The following TMEM132D variants were observed in gnomAD, a reference collection of about 807,000 sequenced individuals.
TMEM132D encodes mature OL transmembrane protein.
TMEM132D carries 21 observed loss-of-function variants against 62.3 expected under a neutral mutation model. The observed-to-expected ratio is 0.34, with a 90% CI of 0.24 to 0.49. The LOEUF is 0.49. Among genes scored for constraint, TMEM132D ranks in the 20% least tolerant of loss-of-function variants. The pLI is 0.99. For missense variants in TMEM132D, 1,346 were observed against 1,402.8 expected, an observed-to-expected ratio of 0.96 and a Z score of 0.65; for synonymous variants, 621 against 575.6, an observed-to-expected ratio of 1.08 and a Z score of -1.13.
Position 129,730,306 on chromosome 12 carries a change from G to A in TMEM132D, c.80-29608C>T, listed in dbSNP as rs141841967. On this transcript the variant is annotated intron_variant, in intron 1 of 8. Coordinates refer to ENST00000422113, the MANE Select transcript of TMEM132D (RefSeq NM_133448.3). ...TAATGCTGTTATTAATTTGTATGCT[G>A]TACCTCCAGGAGATCTTCAATTTAT... Among the ~76,000 whole-genome samples the A allele has an allele frequency of 2.6e-4, 39 of 152,162 alleles. No homozygotes were observed. In the East Asian group the frequency reaches 7.3e-3, roughly 29 times the overall value.
chr12:129,655,167 C>A (rs547524189), intron 2 of TMEM132D, among the ~76,000 whole-genome samples: 1 of 151,380 alleles, frequency 6.6e-6, no homozygotes, highest in African/African-American at 2.4e-5. Context: ...CAGGAGGCTC[C>A]CGATCTCTTG....
Position 129,105,118 on chromosome 12 carries a change from C to T in TMEM132D, c.1444-20416G>A, listed in dbSNP as rs1465643001. On this transcript the variant is annotated intron_variant, in intron 5 of 8. Coordinates refer to ENST00000422113, the MANE Select transcript of TMEM132D (RefSeq NM_133448.3). ...CGTATGTTTATTGCAGCATTATTCA[C>T]GATAGCAAAGACTTGGAACCAACCC... Among the ~76,000 whole-genome samples, 7 of 84,038 alleles carry T rather than the reference C, an allele frequency of 8.3e-5. 3 individuals are homozygous for T. The highest frequency in any genetic ancestry group is 1.2e-4 in the Non-Finnish European group (5 of 42,810). The allele number at this position is 84,038 out of a possible 152,430, so 55.1% of individuals were successfully genotyped here.
At chr12:129,720,709 G>A (rs1362870638) in intron 1 of TMEM132D, among the ~76,000 whole-genome samples, 1 of 152,160 alleles carries the variant, frequency 6.6e-6, no homozygotes, top group East Asian at 1.9e-4. Context: ...CCGAATTTCT[G>A]CCAGCAATGA....
chr12:129,187,673 CTTCT>C (rs1429679995), intron 5 of TMEM132D, among the ~76,000 whole-genome samples: 3 of 152,222 alleles, frequency 2.0e-5, no homozygotes, highest in Non-Finnish European at 4.4e-5. Flanking sequence ...TTCTCACCTC[CTTCT>C]AAGAAATGGT....
At chr12:129,436,918 T>C (rs11060346) in intron 3 of TMEM132D, among the ~76,000 whole-genome samples, 1,860 of 152,262 alleles carry the variant, frequency 0.012, 43 homozygotes, top group East Asian at 0.084. Flanking sequence ...ATTTGATACA[T>C]TTAAAAAATA....
At chr12:129,614,504 T>C (rs1241470366) in intron 2 of TMEM132D, among the ~76,000 whole-genome samples, 1 of 152,192 alleles carries the variant, frequency 6.6e-6, no homozygotes, top group Non-Finnish European at 1.5e-5. Context: ...TCTGCTATAA[T>C]CCCTCTTAGT....
At chr12:129,694,969 T>G (rs1390224271) in intron 2 of TMEM132D, among the ~76,000 whole-genome samples, 1 of 152,002 alleles carries the variant, frequency 6.6e-6, no homozygotes, top group African/African-American at 2.4e-5. Flanking sequence ...GACCACGCCA[T>G]TGCACTCCAC....
chr12:129,824,409 G>C (rs1470834546), intron 1 of TMEM132D, among the ~76,000 whole-genome samples: 1 of 152,136 alleles, frequency 6.6e-6, no homozygotes, highest in African/African-American at 2.4e-5. Context: ...ACCAATATTA[G>C]ATTGTGTTAC....
chr12:129,744,123 T>G (rs767215531), intron 1 of TMEM132D, among the ~76,000 whole-genome samples: 1 of 152,218 alleles, frequency 6.6e-6, no homozygotes, highest in Non-Finnish European at 1.5e-5. Flanking sequence ...TTTCCACACC[T>G]GTAAAATAGG....
intron 1 of TMEM132D, among the ~76,000 whole-genome samples, chr12:129,771,013 A>G (rs1870733949): frequency 6.6e-6 from 1 of 152,230 alleles, no homozygotes; most frequent in Non-Finnish European, 1.5e-5. Context: ...CCCTGAGGAC[A>G]TGACCCCTTC....
intron 1 of TMEM132D, among the ~76,000 whole-genome samples, chr12:129,789,866 T>G (rs1320153775): frequency 6.6e-6 from 1 of 152,224 alleles, no homozygotes; most frequent in East Asian, 1.9e-4. Context: ...ACAAACAATT[T>G]AATCTTTCTA....
intron 5 of TMEM132D, among the ~76,000 whole-genome samples, chr12:129,131,240 TG>T (rs757758941): frequency 2.0e-5 from 3 of 152,238 alleles, no homozygotes; most frequent in Admixed American, 1.3e-4. Context: ...GGGAGCATTT[TG>T]GACTCCAGTG....
intron 1 of TMEM132D, among the ~76,000 whole-genome samples, chr12:129,715,142 A>G (rs1868526337): frequency 6.6e-6 from 1 of 152,130 alleles, no homozygotes; most frequent in Non-Finnish European, 1.5e-5. Flanking sequence ...TTCCTTCCCC[A>G]TTTTCTAAGG....
At chr12:129,578,631 C>T (rs1348289274) in intron 2 of TMEM132D, among the ~76,000 whole-genome samples, 19 of 151,934 alleles carry the variant, frequency 1.3e-4, no homozygotes, top group Admixed American at 1.2e-3. Context: ...ACAATCTATA[C>T]CATCTGCAAG....
intron 2 of TMEM132D, among the ~76,000 whole-genome samples, chr12:129,556,065 A>ATG (rs1877047887): frequency 6.6e-6 from 1 of 152,296 alleles, no homozygotes; most frequent in South Asian, 2.1e-4. Flanking sequence ...ATGTACATGA[A>ATG]CTAGACACCA....
intron 1 of TMEM132D, among the ~76,000 whole-genome samples, chr12:129,821,459 T>C (rs1441649027): frequency 6.6e-6 from 1 of 152,080 alleles, no homozygotes; most frequent in Non-Finnish European, 1.5e-5. Flanking sequence ...TGGAACTACT[T>C]TGAAGGCACC....
chr12:129,676,808 CATCT>C (rs759136251), intron 2 of TMEM132D, among the ~76,000 whole-genome samples: 6 of 151,416 alleles, frequency 4.0e-5, no homozygotes, highest in East Asian at 1.9e-4. Flanking sequence ...AATCTATCAT[CATCT>C]ATCTATGTTT....
chr12:129,198,273 A>G (rs970288853), intron 5 of TMEM132D, among the ~76,000 whole-genome samples: 4 of 152,220 alleles, frequency 2.6e-5, no homozygotes, highest in African/African-American at 9.6e-5. Context: ...TCGAAAAACT[A>G]AAATAGAATT....
chr12:129,444,446 C>A (rs1488326692), intron 3 of TMEM132D, among the ~76,000 whole-genome samples: 1 of 152,004 alleles, frequency 6.6e-6, no homozygotes. Flanking sequence ...AAAAAGTGGG[C>A]AAAGGACATG....
Sources: allele counts gnomAD v4.1 joint callset (sites outside exome capture counted in the v4.1 genomes callset), GRCh38; gene constraint gnomAD v4.1.1; transcripts MANE v1.5; gene names NCBI Gene and HGNC (gene_info 2026-07-23, HGNC 2026-07-21).